The following DAB2 variants were observed in gnomAD, a reference collection of about 807,000 sequenced individuals.
DAB2 encodes DAB adaptor protein 2.
DAB2 carries 28 observed loss-of-function variants against 71.6 expected under a neutral mutation model. The ratio of observed to expected loss-of-function variants is 0.39; its 90% confidence interval spans 0.29 to 0.54. The LOEUF (loss-of-function observed/expected upper bound fraction) is 0.54, where lower values mean the gene tolerates loss of function less well. Among genes scored for constraint, DAB2 ranks in the 20% least tolerant of loss-of-function variants. The probability of loss-of-function intolerance (pLI) is 0.68; values close to 1 mark genes in which losing one functional copy is unlikely to be tolerated. For missense variants in DAB2, 867 were observed against 928.8 expected (o/e 0.93, Z 0.86); for synonymous variants, 345 against 339.7 (o/e 1.02, Z -0.17).
chr5:39,383,419 C>A (rs6884342), intron 9 of DAB2, 148 bp from the exon 10 acceptor site: 25,943 of 646,696 alleles, frequency 0.04, 677 homozygotes, highest in African/African-American at 0.086. Flanking sequence ...CTTCCATCAA[C>A]CCCCGTAGTC....
intron 9 of DAB2, among the ~76,000 whole-genome samples, chr5:39,384,247 C>T (rs1429322206): frequency 1.3e-5 from 2 of 152,202 alleles, no homozygotes; most frequent in Admixed American, 1.3e-4. Context: ...TCTGAAATGG[C>T]ACATAGTGCC....
intron 9 of DAB2, among the ~76,000 whole-genome samples, chr5:39,385,598 C>T (rs1047333740): frequency 2.0e-5 from 3 of 152,192 alleles, no homozygotes; most frequent in African/African-American, 7.2e-5. Flanking sequence ...CAGTTGGCCA[C>T]TGTTTGAGCA....
chr5:39,373,470 G>A (rs1466433421), intron 14 of DAB2, 45 bp from the exon 15 acceptor site: 1 of 152,482 alleles, frequency 6.6e-6, no homozygotes, highest in South Asian at 2.1e-4. Context: ...TAGAATTTTT[G>A]AACTGAATAT....
rs1754718945 is a variant in DAB2, at chr5:39,372,354, T to C, written c.*1077A>G. ...CAAGAAAAGTTTTCCAGTTACTTGATAAAGGCCTAGCATGACCCCAAATAA... is the reference window on the plus strand; with the variant it reads ...CAAGAAAAGTTTTCCAGTTACTTGACAAAGGCCTAGCATGACCCCAAATAA... On this transcript the variant is annotated 3_prime_UTR_variant, in exon 15 of 15. Coordinates refer to ENST00000320816, the MANE Select transcript of DAB2 (RefSeq NM_001343.4). The C allele has an allele frequency of 1.3e-5, 2 of 152,214 alleles. No homozygotes were observed. The allele number at this position is 152,214 out of a possible 1,614,324, so 9.4% of individuals were successfully genotyped here.
intron 1 of DAB2, among the ~76,000 whole-genome samples, chr5:39,401,115 G>A (rs1171884452): frequency 6.6e-6 from 1 of 152,124 alleles, no homozygotes; most frequent in Non-Finnish European, 1.5e-5. Flanking sequence ...ATGCTTTTAG[G>A]AAGGCTCTTC....
chr5:39,387,116 G>C lies in DAB2; in HGVS notation c.687+1189C>G, dbSNP rs951151716. Among the ~76,000 whole-genome samples the C allele has an allele frequency of 4.6e-5, 7 of 152,266 alleles. No homozygotes were observed. The East Asian group carries it at 1.4e-3, about 29-fold the overall frequency. Reference sequence around the variant, plus strand: ...TTAGGGTCAGAGAAGAATGCATGAAGTCCCTGCTCCTCTCCATCTCATTTG... The same window carrying C: ...TTAGGGTCAGAGAAGAATGCATGAACTCCCTGCTCCTCTCCATCTCATTTG... On this transcript the variant is annotated intron_variant, in intron 9 of 14. Coordinates refer to ENST00000320816, the MANE Select transcript of DAB2 (RefSeq NM_001343.4).
chr5:39,401,742 T>TTTATTTATTTAA lies in DAB2; in HGVS notation c.-101-7322_-101-7321insTTAAATAAATAA, dbSNP rs1426034480. Among the ~76,000 whole-genome samples the TTTATTTATTTAA allele has an allele frequency of 7.0e-3, 1,039 of 147,636 alleles. 11 individuals carry two copies. Among genetic ancestry groups the TTTATTTATTTAA allele is most frequent in the African/African-American group, 0.024 (979 of 40,190 alleles). Reference sequence around the variant, plus strand: ...TACCTGAGACTGGGTTATTTATTTATTTATTTATTTATTTATTTATTTATT... The same window carrying TTTATTTATTTAA: ...TACCTGAGACTGGGTTATTTATTTATTTATTTATTTAATTATTTATTTATTTATTTATTTATT... On this transcript the variant is annotated intron_variant, in intron 1 of 14. Coordinates refer to ENST00000320816, the MANE Select transcript of DAB2 (RefSeq NM_001343.4).
intron 1 of DAB2, among the ~76,000 whole-genome samples, chr5:39,409,132 A>T (rs3849760): frequency 0.03 from 4,102 of 137,946 alleles, 76 homozygotes; most frequent in South Asian, 0.082. Flanking sequence ...TATGATTATT[A>T]AAAAAAAAAA....
At chr5:39,411,476 T>C in intron 1 of DAB2, among the ~76,000 whole-genome samples, 1 of 152,138 alleles carries the variant, frequency 6.6e-6, no homozygotes, top group East Asian at 1.9e-4. Flanking sequence ...GGGGCTCCAT[T>C]TGTAGCCTCT....
rs540852116 is a variant in DAB2, at chr5:39,384,817, T to TA, written c.688-1547dup. ...GCTACCCAGAGAAGAATATAAATGA[T>TA]AAAAAATGCCTTGCTGAAGTGCAAG... On this transcript the variant is annotated intron_variant, in intron 9 of 14. Coordinates refer to ENST00000320816, the MANE Select transcript of DAB2 (RefSeq NM_001343.4). 8.8e-4 allele frequency among the ~76,000 whole-genome samples: 134 copies of TA among 152,098 alleles called. 1 individual carries two copies. The highest frequency in any genetic ancestry group is 3.1e-3 in the African/African-American group (127 of 41,492).
At chr5:39,409,425 T>C (rs898584263) in intron 1 of DAB2, among the ~76,000 whole-genome samples, 1 of 152,282 alleles carries the variant, frequency 6.6e-6, no homozygotes, top group East Asian at 1.9e-4. Context: ...TATTGAAATA[T>C]CTGTATACAG....
In DAB2 at chr5:39,394,288, A is replaced by G; in HGVS notation, c.33T>C (p.Asn11=). 1.9e-6 allele frequency: 3 copies of G among 1,613,970 alleles called. No homozygotes were observed. Among genetic ancestry groups the G allele is most frequent in the Admixed American group, 1.7e-5 (1 of 60,002 alleles). MSNEVETSAT[N]GQPDQQAAPK... ...GTGCGGCCTGTTGGTCGGGCTGACC[A>G]TTGGTTGCACTTGTTTCTACTTCGT... The change falls in exon 2 of 15, where the codon AAT becomes AAC. Residue 11 remains asparagine, a synonymous_variant. Coordinates refer to ENST00000320816, the MANE Select transcript of DAB2 (RefSeq NM_001343.4).
At chr5:39,412,926 A>G (rs1755764943) in intron 1 of DAB2, among the ~76,000 whole-genome samples, 1 of 152,218 alleles carries the variant, frequency 6.6e-6, no homozygotes, top group Non-Finnish European at 1.5e-5. Context: ...AAGAGGAACT[A>G]ATAGCAATGC....
intron 9 of DAB2, among the ~76,000 whole-genome samples, chr5:39,383,903 T>C (rs566976818): frequency 6.6e-6 from 1 of 152,366 alleles, no homozygotes; most frequent in Non-Finnish European, 1.5e-5. Flanking sequence ...TTCTTTTATA[T>C]CACGGCCTTC....
chr5:39,402,413 C>CTTTA (rs1194908564), intron 1 of DAB2, among the ~76,000 whole-genome samples: 1 of 151,932 alleles, frequency 6.6e-6, no homozygotes, highest in Non-Finnish European at 1.5e-5. Context: ...TGGTGTAATA[C>CTTTA]TTTATTTATT....
intron 1 of DAB2, among the ~76,000 whole-genome samples, chr5:39,399,402 G>T (rs899660468): frequency 2.0e-5 from 3 of 152,182 alleles, no homozygotes. Context: ...TTCATTAGAA[G>T]ATTGAAAAGA....
intron 9 of DAB2, among the ~76,000 whole-genome samples, chr5:39,383,864 T>A (rs753968039): frequency 8.5e-5 from 13 of 152,184 alleles, no homozygotes; most frequent in Non-Finnish European, 1.9e-4. Context: ...TCGGTCCAGT[T>A]CTTTCCTCTA....
At chr5:39,385,641 C>T (rs192175644) in intron 9 of DAB2, among the ~76,000 whole-genome samples, 3 of 152,144 alleles carry the variant, frequency 2.0e-5, no homozygotes, top group East Asian at 1.9e-4. Context: ...CACGGCAGTG[C>T]GTTACAGAAC....
At chr5:39,409,091 A>C (rs1333704600) in intron 1 of DAB2, among the ~76,000 whole-genome samples, 1 of 152,010 alleles carries the variant, frequency 6.6e-6, no homozygotes, top group Non-Finnish European at 1.5e-5. Context: ...AAGGCCTCCC[A>C]ATAGTTAGCC....
Sources: gnomAD v4.1 joint callset for allele counts (sites outside exome capture counted in the v4.1 genomes callset) on GRCh38, gnomAD v4.1.1 for gene constraint, MANE v1.5 for transcripts, NCBI Gene and HGNC (gene_info 2026-07-23, HGNC 2026-07-21) for gene names.